DSCAML1: variants seen among roughly 807,000 people sequenced by gnomAD.
DSCAML1 encodes cell adhesion molecule DSCAML1.
Under a neutral mutation model 200.5 loss-of-function variants are expected in DSCAML1, and 38 were observed. That is an observed-to-expected ratio of 0.19 (90% CI 0.15 to 0.25). The LOEUF (loss-of-function observed/expected upper bound fraction) is 0.25. DSCAML1 is among the 10% of genes least tolerant of loss of function. The pLI is 1.00. For synonymous variants in DSCAML1, 1,215 were observed against 1,165.0 expected, an observed-to-expected ratio of 1.04 and a Z score of -0.87; for missense variants, 2,223 against 2,858.8, an observed-to-expected ratio of 0.78 and a Z score of 5.07.
At chr11:117,501,829 T>C (rs537978865) in intron 11 of DSCAML1, among the ~76,000 whole-genome samples, 233 of 152,052 alleles carry the variant, frequency 1.5e-3, no homozygotes, top group South Asian at 6.9e-3. Flanking sequence ...TCGCTAGCCC[T>C]ACCAGGAGAG....
chr11:117,468,662 C>T (rs1298612056), intron 16 of DSCAML1, among the ~76,000 whole-genome samples: 1 of 152,176 alleles, frequency 6.6e-6, no homozygotes, highest in Non-Finnish European at 1.5e-5. Flanking sequence ...CTCCAGGTAT[C>T]CACTAGGTGG....
At chr11:117,468,672 G>T (rs2048629903) in intron 16 of DSCAML1, among the ~76,000 whole-genome samples, 1 of 152,172 alleles carries the variant, frequency 6.6e-6, no homozygotes, top group East Asian at 1.9e-4. Flanking sequence ...CCACTAGGTG[G>T]GCTGCCCCCA....
intron 3 of DSCAML1, among the ~76,000 whole-genome samples, chr11:117,711,595 T>C (rs887172360): frequency 2.6e-5 from 4 of 152,180 alleles, no homozygotes; most frequent in Non-Finnish European, 5.9e-5. Flanking sequence ...CTGACACAGA[T>C]AACCCCAGGG....
chr11:117,626,946 G>A (rs1032149477), intron 3 of DSCAML1, among the ~76,000 whole-genome samples: 15 of 152,170 alleles, frequency 9.9e-5, no homozygotes, highest in African/African-American at 3.1e-4. Context: ...GTGGAAACCC[G>A]CAAAAGAAAT....
intron 1 of DSCAML1, among the ~76,000 whole-genome samples, chr11:117,793,148 A>G (rs1417035916): frequency 2.6e-5 from 4 of 152,176 alleles, no homozygotes; most frequent in Non-Finnish European, 5.9e-5. Flanking sequence ...ATGCAAATCC[A>G]TATGCAGATT....
chr11:117,434,633 C>G (rs956340889), intron 27 of DSCAML1, among the ~76,000 whole-genome samples: 8 of 152,098 alleles, frequency 5.3e-5, no homozygotes, highest in East Asian at 1.9e-4. Context: ...ATTCATTCAG[C>G]CTTTTATTCA....
intron 1 of DSCAML1, among the ~76,000 whole-genome samples, chr11:117,793,247 C>T (rs12295982): frequency 0.025 from 3,752 of 152,240 alleles, 150 homozygotes; most frequent in African/African-American, 0.086. Context: ...CCTGGGTACC[C>T]GCTAGAATCG....
intron 3 of DSCAML1, among the ~76,000 whole-genome samples, chr11:117,700,535 T>C (rs1276038154): frequency 1.3e-5 from 2 of 152,158 alleles, no homozygotes; most frequent in Non-Finnish European, 2.9e-5. Context: ...AAGGCCAGTA[T>C]TGGGCCAGAT....
intron 3 of DSCAML1, among the ~76,000 whole-genome samples, chr11:117,549,067 C>G (rs2050427540): frequency 6.6e-6 from 1 of 152,188 alleles, no homozygotes; most frequent in African/African-American, 2.4e-5. Flanking sequence ...CTGTGTGGCT[C>G]CAAGGGCACT....
chr11:117,652,493 A>G (rs763477991), intron 3 of DSCAML1, among the ~76,000 whole-genome samples: 1 of 152,202 alleles, frequency 6.6e-6, no homozygotes, highest in Non-Finnish European at 1.5e-5. Flanking sequence ...AGATGGATGC[A>G]AGACCTGCTC....
At chr11:117,512,153 G>A (rs2049634138) in intron 8 of DSCAML1, among the ~76,000 whole-genome samples, 3 of 152,206 alleles carry the variant, frequency 2.0e-5, no homozygotes, top group Non-Finnish European at 4.4e-5. Flanking sequence ...CCGGTGCTCT[G>A]TCCCCACCAT....
chr11:117,747,247 A>G (rs568678304), intron 3 of DSCAML1, among the ~76,000 whole-genome samples: 1 of 152,272 alleles, frequency 6.6e-6, no homozygotes, highest in South Asian at 2.1e-4. Context: ...TCCATAACAA[A>G]TCAAGCACCG....
chr11:117,758,222 C>T (rs984162877), intron 3 of DSCAML1, among the ~76,000 whole-genome samples: 1 of 150,790 alleles, frequency 6.6e-6, no homozygotes, highest in East Asian at 2.0e-4. Flanking sequence ...ATTGCTTGAA[C>T]GTGGGAGGCG....
intron 3 of DSCAML1, among the ~76,000 whole-genome samples, chr11:117,762,950 T>C (rs2054831441): frequency 2.0e-5 from 3 of 151,776 alleles, no homozygotes; most frequent in African/African-American, 7.3e-5. Context: ...CAATACAAAT[T>C]TGACTATTAT....
intron 3 of DSCAML1, among the ~76,000 whole-genome samples, chr11:117,660,651 C>G (rs2052827866): frequency 6.6e-6 from 1 of 152,180 alleles, no homozygotes; most frequent in Non-Finnish European, 1.5e-5. Flanking sequence ...ACGTAAGTCC[C>G]TCCATCCTGG....
At chr11:117,699,974 A>G (rs990926505) in intron 3 of DSCAML1, among the ~76,000 whole-genome samples, 4 of 152,210 alleles carry the variant, frequency 2.6e-5, no homozygotes, top group Non-Finnish European at 5.9e-5. Context: ...TTAGTAACAA[A>G]AAGCATGGCA....
chr11:117,786,026 TC>T (rs1274606011), intron 1 of DSCAML1, among the ~76,000 whole-genome samples: 7 of 152,172 alleles, frequency 4.6e-5, no homozygotes, highest in Non-Finnish European at 8.8e-5. Context: ...TCCAAGCTGG[TC>T]CCAATTTGGA....
At position 117,471,849 on chromosome 11, in the gene DSCAML1, A is replaced by G. The variant is rs1474188425; in HGVS notation, c.2953+20T>C. On this transcript the variant is annotated intron_variant, in intron 15 of 32. Coordinates refer to ENST00000651296, the MANE Select transcript of DSCAML1 (RefSeq NM_020693.4). ...TGATCCCTGAGGCCATGGGCAGGGCAGGCTGGGTGAGGTGCTCACCGGCCT... is the reference window on the plus strand; with the variant it reads ...TGATCCCTGAGGCCATGGGCAGGGCGGGCTGGGTGAGGTGCTCACCGGCCT... 2.0e-6 allele frequency: 3 copies of G among 1,487,118 alleles called. No homozygotes were observed. The highest frequency in any genetic ancestry group is 2.7e-6 in the Non-Finnish European group (3 of 1,110,262). The allele number at this position is 1,487,118 out of a possible 1,614,324, so 92.1% of individuals were successfully genotyped here. A position where few individuals can be genotyped will look rare whatever the true frequency, so the allele number is the denominator to read the frequency against.
intron 3 of DSCAML1, among the ~76,000 whole-genome samples, chr11:117,684,023 C>T (rs182365431): frequency 1.4e-3 from 219 of 152,252 alleles, no homozygotes; most frequent in African/African-American, 5.0e-3. Flanking sequence ...CTTATCAATA[C>T]CTTGCCTTTC....
Sources: allele counts gnomAD v4.1 joint callset (sites outside exome capture counted in the v4.1 genomes callset), GRCh38; gene constraint gnomAD v4.1.1; transcripts MANE v1.5; gene names NCBI Gene and HGNC (gene_info 2026-07-23, HGNC 2026-07-21).